CAMK4: variants seen among roughly 807,000 people sequenced by gnomAD.
CAMK4 encodes the protein calcium/calmodulin-dependent protein kinase type IV.
CAMK4 carries 22 observed loss-of-function variants against 44.9 expected under a neutral mutation model. The observed-to-expected ratio is 0.49, with a 90% CI of 0.35 to 0.70. The LOEUF (loss-of-function observed/expected upper bound fraction) is 0.70, where lower values mean the gene tolerates loss of function less well. Ranked by LOEUF, CAMK4 falls within the 30% of genes least tolerant of loss-of-function variation. The pLI, the probability that CAMK4 is intolerant of heterozygous loss-of-function variation, is 0.01. For synonymous variants in CAMK4, 218 were observed against 215.4 expected (o/e 1.01, Z -0.11); for missense variants, 498 against 586.8 (o/e 0.85, Z 1.56).
intron 1 of CAMK4, among the ~76,000 whole-genome samples, chr5:111,247,048 T>G (rs1352569437): frequency 2.0e-5 from 3 of 152,050 alleles, no homozygotes; most frequent in Non-Finnish European, 4.4e-5. Context: ...AAACATTAGT[T>G]CCTCGGGATG....
intron 7 of CAMK4, among the ~76,000 whole-genome samples, chr5:111,466,261 T>C (rs1301544367): frequency 6.6e-6 from 1 of 152,156 alleles, no homozygotes; most frequent in Non-Finnish European, 1.5e-5. Context: ...TGGGGAAAAG[T>C]TGAAAGCATT....
chr5:111,397,323 A>G (rs1752055475), intron 5 of CAMK4, among the ~76,000 whole-genome samples: 1 of 152,234 alleles, frequency 6.6e-6, no homozygotes, highest in Non-Finnish European at 1.5e-5. Context: ...TAACTTGCGG[A>G]AATCATAGCA....
At chr5:111,437,588 CAT>C (rs1196708870) in intron 5 of CAMK4, among the ~76,000 whole-genome samples, 1 of 152,104 alleles carries the variant, frequency 6.6e-6, no homozygotes, top group Non-Finnish European at 1.5e-5. Flanking sequence ...AGAGCTGACA[CAT>C]ATGTTACTTT....
chr5:111,478,276 T>C, intron 8 of CAMK4, 105 bp from the exon 9 acceptor site: 1 of 615,282 alleles, frequency 1.6e-6, no homozygotes, highest in Non-Finnish European at 2.7e-6. Flanking sequence ...CTTGCTTCCA[T>C]GGCAGGAAGC....
At position 111,479,402 on chromosome 5, in the gene CAMK4, C is replaced by T. The variant is rs1007402338; in HGVS notation, c.828+895C>T. ...ATCCATACCTTCTGGGGAGGTCACT[C>T]ACCTCTTATAAAATAAAGAGGATGC... On this transcript the variant is annotated intron_variant, in intron 9 of 10. Coordinates refer to ENST00000282356, the MANE Select transcript of CAMK4 (RefSeq NM_001744.6). Among the ~76,000 whole-genome samples the T allele has an allele frequency of 2.4e-4, 37 of 152,118 alleles. 1 individual carries two copies. The highest frequency in any genetic ancestry group is 8.7e-4 in the African/African-American group (36 of 41,434).
rs142197522 is a variant in CAMK4 at position 111,484,775 on chromosome 5, A to T, written c.*309A>T. The stretch of plus-strand genomic sequence containing the variant: ...CACATATTTGAAGTGAATAGTAGCA[A>T]ATTGTTTTTGCTTTGAAAATCTAGC... On this transcript the variant is annotated 3_prime_UTR_variant, in exon 11 of 11. Transcript: ENST00000282356. The surrounding 1 kb of genome is among the most constrained non-coding windows in gnomAD (Gnocchi z 5.3). 7.3e-5 allele frequency: 16 copies of T among 220,482 alleles called. No individual in the cohort carries two copies. The highest frequency in any genetic ancestry group is 2.3e-4 in the Admixed American group (4 of 17,238). The allele number at this position is 220,482 out of a possible 1,614,324, so 13.7% of individuals were successfully genotyped here.
intron 5 of CAMK4, among the ~76,000 whole-genome samples, chr5:111,441,598 ATCT>A (rs1753824906): frequency 6.6e-6 from 1 of 152,074 alleles, no homozygotes; most frequent in Non-Finnish European, 1.5e-5. Context: ...GATTTTAAAA[ATCT>A]TCTCCCCAGT....
intron 1 of CAMK4, among the ~76,000 whole-genome samples, chr5:111,256,887 A>G (rs1749766487): frequency 6.6e-6 from 1 of 152,246 alleles, no homozygotes; most frequent in African/African-American, 2.4e-5. Flanking sequence ...AGTAAGAGTC[A>G]TGCCAGCAAC....
At chr5:111,284,471 C>G (rs368508492) in intron 1 of CAMK4, among the ~76,000 whole-genome samples, 2 of 152,200 alleles carry the variant, frequency 1.3e-5, no homozygotes, top group African/African-American at 4.8e-5. Context: ...TTGGATTCTG[C>G]TAACCTTTGA....
At chr5:111,388,888 C>T (rs1049437709) in intron 4 of CAMK4, among the ~76,000 whole-genome samples, 9 of 152,258 alleles carry the variant, frequency 5.9e-5, no homozygotes, top group South Asian at 4.2e-4. Flanking sequence ...AACTATTCTT[C>T]ATATACCTAC....
At chr5:111,436,499 G>T (rs145320907) in intron 5 of CAMK4, among the ~76,000 whole-genome samples, 2 of 152,144 alleles carry the variant, frequency 1.3e-5, no homozygotes, top group Non-Finnish European at 2.9e-5. Context: ...ATCCCAGCAA[G>T]TATTTTCCAG....
chr5:111,478,271 T>C, intron 8 of CAMK4, 110 bp from the exon 9 acceptor site: 1 of 600,838 alleles, frequency 1.7e-6, no homozygotes, highest in South Asian at 3.3e-5. Context: ...GTAGACTTGC[T>C]TCCATGGCAG....
chr5:111,231,645 A>G (rs966498410), intron 1 of CAMK4, among the ~76,000 whole-genome samples: 5 of 152,162 alleles, frequency 3.3e-5, no homozygotes, highest in African/African-American at 1.2e-4. Flanking sequence ...TCTATGTATT[A>G]CCATAAGATT....
intron 5 of CAMK4, among the ~76,000 whole-genome samples, chr5:111,436,079 T>A: frequency 6.6e-6 from 1 of 152,328 alleles, no homozygotes; most frequent in Middle Eastern, 3.4e-3. Flanking sequence ...TTAAAAATAA[T>A]AACCATTCAC....
chr5:111,339,078 AG>A (rs1239575466), intron 1 of CAMK4, among the ~76,000 whole-genome samples: 3 of 151,026 alleles, frequency 2.0e-5, no homozygotes, highest in African/African-American at 4.8e-5. Flanking sequence ...TGAGTTACTT[AG>A]TTTTTTACTA....
intron 5 of CAMK4, among the ~76,000 whole-genome samples, chr5:111,400,903 C>G (rs11957032): frequency 0.015 from 2,216 of 152,244 alleles, 48 homozygotes; most frequent in African/African-American, 0.051. Context: ...TCCCTCTCCT[C>G]TGATACTTAA....
chr5:111,354,989 G>A (rs1278742181), intron 2 of CAMK4, among the ~76,000 whole-genome samples: 3 of 152,116 alleles, frequency 2.0e-5, no homozygotes, highest in African/African-American at 7.2e-5. Flanking sequence ...CAATCTGGAT[G>A]AAAGATATGC....
At chr5:111,457,255 T>TCA (rs1754448970) in intron 7 of CAMK4, among the ~76,000 whole-genome samples, 1 of 152,098 alleles carries the variant, frequency 6.6e-6, no homozygotes, top group Non-Finnish European at 1.5e-5. Flanking sequence ...CTTCTCTTCC[T>TCA]CACACACACA....
At position 111,458,963 on chromosome 5, in the gene CAMK4, C is replaced by T. The variant is rs753286773; in HGVS notation, c.625+9760C>T. ...AACATTTCCTGAGATGGGAAGACATCGGAGCATCAGGCTTGGGACTTGTTA... is the reference window on the plus strand; with the variant it reads ...AACATTTCCTGAGATGGGAAGACATTGGAGCATCAGGCTTGGGACTTGTTA... On this transcript the variant is annotated intron_variant, in intron 7 of 10. Coordinates refer to ENST00000282356, the MANE Select transcript of CAMK4 (RefSeq NM_001744.6). Among the ~76,000 whole-genome samples the T allele has an allele frequency of 3.3e-5, 5 of 152,218 alleles. No homozygotes were observed. In the South Asian group the frequency reaches 8.3e-4, roughly 25 times the overall value.
Sources: gnomAD v4.1 joint callset for allele counts (sites outside exome capture counted in the v4.1 genomes callset) on GRCh38, gnomAD v4.1.1 for gene constraint, Gnocchi (gnomAD v3.1) non-coding constraint, MANE v1.5 for transcripts, NCBI Gene and HGNC (gene_info 2026-07-23, HGNC 2026-07-21) for gene names.